Variants in GALNTL6 observed in about 807,000 individuals in gnomAD.
The protein encoded by GALNTL6 is polypeptide N-acetylgalactosaminyltransferase-like 6.
GALNTL6 carries 46 observed loss-of-function variants against 73.7 expected under a neutral mutation model. The observed-to-expected ratio is 0.62, with a 90% CI of 0.49 to 0.80. The LOEUF (loss-of-function observed/expected upper bound fraction) is 0.80, where lower values mean the gene tolerates loss of function less well. Among genes scored for constraint, GALNTL6 ranks in the 30% least tolerant of loss-of-function variants. The pLI, the probability that GALNTL6 is intolerant of heterozygous loss-of-function variation, is 0.00. For missense variants in GALNTL6, 604 were observed against 755.0 expected (o/e 0.80, Z 2.34); for synonymous variants, 259 against 263.7 (o/e 0.98, Z 0.17).
In GALNTL6 at chr4:172,949,588, AG is replaced by A. The variant is rs112841309; in HGVS notation, c.1150-2448del. ...ATATAAAGTTTTAATATTATCAACTAGTTTTTTTTTATTCTAATCCTCATTA... is the reference window on the plus strand; with the variant it reads ...ATATAAAGTTTTAATATTATCAACTATTTTTTTTTATTCTAATCCTCATTA... On this transcript the variant is annotated intron_variant, in intron 9 of 12. Transcript: ENST00000506823. 5.4e-3 allele frequency among the ~76,000 whole-genome samples: 822 copies of A among 151,402 alleles called. 10 individuals carry two copies. Among genetic ancestry groups the A allele is most frequent in the African/African-American group, 0.019 (774 of 41,396 alleles).
At chr4:172,982,785 T>G (rs1751126805) in intron 10 of GALNTL6, among the ~76,000 whole-genome samples, 2 of 152,224 alleles carry the variant, frequency 1.3e-5, no homozygotes, top group African/African-American at 4.8e-5. Flanking sequence ...CGAAAAAAAT[T>G]TTTTTTCCAA....
intron 5 of GALNTL6, among the ~76,000 whole-genome samples, chr4:172,441,878 G>A (rs192696746): frequency 8.5e-4 from 117 of 137,674 alleles, no homozygotes; most frequent in Middle Eastern, 7.2e-3. Context: ...GGCTCAATTT[G>A]TAGTTTCATG....
intron 5 of GALNTL6, among the ~76,000 whole-genome samples, chr4:172,392,340 G>A (rs1743692576): frequency 6.6e-6 from 1 of 152,036 alleles, no homozygotes; most frequent in Admixed American, 6.6e-5. Context: ...AGAATTTTTA[G>A]AAACATTCTC....
rs1424003671 is a variant in GALNTL6 at position 172,513,451 on chromosome 4, TC to T, written c.553+164764del. Reference sequence around the variant, plus strand: ...ATATTTATTCTTGGTTTGGATCCATTCCTGGTGAGCTAGGGTGATCTTTTGG... The same window carrying T: ...ATATTTATTCTTGGTTTGGATCCATTCTGGTGAGCTAGGGTGATCTTTTGG... On this transcript the variant is annotated intron_variant, in intron 5 of 12. Coordinates refer to ENST00000506823, the MANE Select transcript of GALNTL6 (RefSeq NM_001034845.3). Among the ~76,000 whole-genome samples, 5 of 152,312 alleles carry T rather than the reference TC, an allele frequency of 3.3e-5. No individual in the cohort carries two copies. In the East Asian group the frequency reaches 5.8e-4, roughly 18 times the overall value.
chr4:172,041,993 C>A (rs1251592878), intron 2 of GALNTL6, among the ~76,000 whole-genome samples: 2 of 152,036 alleles, frequency 1.3e-5, no homozygotes, highest in Admixed American at 1.3e-4. Flanking sequence ...CTGTAAAAAG[C>A]CAAGACTGAC....
intron 10 of GALNTL6, among the ~76,000 whole-genome samples, chr4:173,004,140 C>T (rs565614886): frequency 1.6e-4 from 24 of 151,638 alleles, no homozygotes; most frequent in Admixed American, 2.0e-4. Flanking sequence ...GCTGTGAACA[C>T]GCCACTGCAG....
chr4:172,533,843 T>A (rs561364947), intron 5 of GALNTL6, among the ~76,000 whole-genome samples: 2 of 152,306 alleles, frequency 1.3e-5, no homozygotes, highest in South Asian at 4.1e-4. Flanking sequence ...TGGAATAATG[T>A]AAAATATTAA....
intron 5 of GALNTL6, among the ~76,000 whole-genome samples, chr4:172,371,911 T>C (rs1742827484): frequency 6.6e-6 from 1 of 152,036 alleles, no homozygotes. Context: ...TTAATGGGGG[T>C]TCCCAGCAGT....
chr4:172,910,463 T>A (rs916605615), intron 8 of GALNTL6, among the ~76,000 whole-genome samples: 16 of 152,178 alleles, frequency 1.1e-4, no homozygotes, highest in Non-Finnish European at 2.1e-4. Flanking sequence ...CTGGCCCCCA[T>A]TTCTCACACA....
intron 5 of GALNTL6, among the ~76,000 whole-genome samples, chr4:172,525,347 G>A (rs191613467): frequency 5.3e-5 from 8 of 152,268 alleles, no homozygotes; most frequent in Admixed American, 1.3e-4. Flanking sequence ...CTCAGTAAAA[G>A]TGGTATTCCT....
intron 5 of GALNTL6, among the ~76,000 whole-genome samples, chr4:172,393,725 C>T (rs1743748556): frequency 6.6e-6 from 1 of 152,218 alleles, no homozygotes; most frequent in South Asian, 2.1e-4. Flanking sequence ...TAATGAGTAT[C>T]TGACTACTGG....
intron 3 of GALNTL6, among the ~76,000 whole-genome samples, chr4:172,258,567 A>G (rs893558203): frequency 2.6e-5 from 4 of 151,376 alleles, no homozygotes; most frequent in Admixed American, 6.6e-5. Context: ...CATATAGAGA[A>G]TTATAAGTTA....
intron 2 of GALNTL6, among the ~76,000 whole-genome samples, chr4:171,854,353 A>G (rs1019764759): frequency 6.6e-6 from 1 of 152,184 alleles, no homozygotes; most frequent in Non-Finnish European, 1.5e-5. Flanking sequence ...ATAAGAATCA[A>G]GTGTAGGTAC....
At chr4:172,270,729 T>TGATAGATGGATAGATAGATA (rs1554008988) in intron 3 of GALNTL6, among the ~76,000 whole-genome samples, 1 of 151,582 alleles carries the variant, frequency 6.6e-6, no homozygotes, top group Admixed American at 6.6e-5. Context: ...GGTAGGTAGA[T>TGATAGATGGATAGATAGATA]GATAGATAGA....
At chr4:172,034,165 G>A (rs2110826216) in intron 2 of GALNTL6, among the ~76,000 whole-genome samples, 1 of 152,152 alleles carries the variant, frequency 6.6e-6, no homozygotes, top group South Asian at 2.1e-4. Context: ...AATGTAATAA[G>A]TTAATACGAC....
intron 5 of GALNTL6, among the ~76,000 whole-genome samples, chr4:172,358,414 A>T (rs1742242531): frequency 6.6e-6 from 1 of 152,258 alleles, no homozygotes; most frequent in South Asian, 2.1e-4. Context: ...AGTTGGTCCA[A>T]CCCATGGCCT....
At chr4:172,552,837 T>TAAAAAAAAAAAAAAAAAAAAAAAAAAA (rs397933315) in intron 5 of GALNTL6, among the ~76,000 whole-genome samples, 5 of 80,404 alleles carry the variant, frequency 6.2e-5, no homozygotes, top group African/African-American at 2.4e-4. Flanking sequence ...GTAATTGCAG[T>TAAAAAAAAAAAAAAAAAAAAAAAAAAA]AAAAAAAAAA....
intron 3 of GALNTL6, among the ~76,000 whole-genome samples, chr4:172,237,261 T>G (rs577236752): frequency 6.6e-6 from 1 of 152,298 alleles, no homozygotes; most frequent in East Asian, 1.9e-4. Flanking sequence ...GAATGGCAGT[T>G]CAGTTTTAGG....
At chr4:172,668,187 G>C (rs1731777162) in intron 5 of GALNTL6, 1 of 152,198 alleles carries the variant, frequency 6.6e-6, no homozygotes, top group Admixed American at 6.5e-5. Flanking sequence ...GAGTTCCACA[G>C]TGCTAGTAGA....
Sources: allele counts gnomAD v4.1 joint callset (sites outside exome capture counted in the v4.1 genomes callset), GRCh38; gene constraint gnomAD v4.1.1; transcripts MANE v1.5; gene names NCBI Gene and HGNC (gene_info 2026-07-23, HGNC 2026-07-21).